The following PIP4K2A variants were observed in gnomAD, a reference collection of about 807,000 sequenced individuals.
The protein encoded by PIP4K2A is phosphatidylinositol-5-phosphate 4-kinase type 2 alpha.
A neutral mutation model predicts 42.9 loss-of-function variants in PIP4K2A; 14 were observed. That is an observed-to-expected ratio of 0.33 (90% CI 0.22 to 0.51). PIP4K2A has a LOEUF of 0.51. Ranked by LOEUF, PIP4K2A falls within the 20% of genes least tolerant of loss-of-function variation. The pLI is 0.97. For missense variants in PIP4K2A, 434 were observed against 519.8 expected (o/e 0.83, Z 1.61); for synonymous variants, 192 against 192.2 (o/e 1.00, Z 0.01).
chr10:22,683,954 T>C (rs1332826825), intron 1 of PIP4K2A, among the ~76,000 whole-genome samples: 4 of 152,054 alleles, frequency 2.6e-5, no homozygotes, highest in Non-Finnish European at 5.9e-5. Context: ...CCCGGAACGT[T>C]CCTGGCTACA....
At chr10:22,632,497 G>T (rs921413630) in intron 1 of PIP4K2A, among the ~76,000 whole-genome samples, 1 of 152,182 alleles carries the variant, frequency 6.6e-6, no homozygotes, top group African/African-American at 2.4e-5. Flanking sequence ...ACAAGTTGGT[G>T]TTAGCTGGAT....
At chr10:22,682,936 T>A (rs1352425267) in intron 1 of PIP4K2A, among the ~76,000 whole-genome samples, 1 of 152,198 alleles carries the variant, frequency 6.6e-6, no homozygotes, top group Non-Finnish European at 1.5e-5. Context: ...ACCTTGGGAA[T>A]GAACAATGTG....
chr10:22,695,371 A>T (rs1839948515), intron 1 of PIP4K2A, among the ~76,000 whole-genome samples: 1 of 152,182 alleles, frequency 6.6e-6, no homozygotes, highest in Admixed American at 6.5e-5. Flanking sequence ...TGCAATAAAA[A>T]CTTGGATACC....
intron 1 of PIP4K2A, among the ~76,000 whole-genome samples, chr10:22,667,385 C>T (rs1399577055): frequency 6.6e-6 from 1 of 152,082 alleles, no homozygotes; most frequent in Non-Finnish European, 1.5e-5. Context: ...TTTATGAATA[C>T]CAAATTAGAA....
chr10:22,540,856 G>C (rs202003163), intron 8 of PIP4K2A, among the ~76,000 whole-genome samples: 20 of 152,158 alleles, frequency 1.3e-4, no homozygotes, highest in Non-Finnish European at 2.8e-4. Context: ...CGCCCGGCCC[G>C]TGTCTGTTTT....
chr10:22,544,941 A>G (rs978788033), intron 7 of PIP4K2A, among the ~76,000 whole-genome samples: 2 of 151,438 alleles, frequency 1.3e-5, no homozygotes, highest in African/African-American at 2.4e-5. Flanking sequence ...GGCACCGCAC[A>G]CTCCTCCCCA....
At position 22,664,254 on chromosome 10, in the gene PIP4K2A, T is replaced by C. The variant is rs866417772; in HGVS notation, c.144+49929A>G. On this transcript the variant is annotated intron_variant, in intron 1 of 9. Transcript: ENST00000376573. ...ACACACACACACACACACACACATATATATATACACACACATACACACATA... is the reference window on the plus strand; with the variant it reads ...ACACACACACACACACACACACATACATATATACACACACATACACACATA... Among the ~76,000 whole-genome samples the C allele has an allele frequency of 4.5e-4, 60 of 133,612 alleles. 1 individual carries two copies. The highest frequency in any genetic ancestry group is 3.8e-3 in the Middle Eastern group (1 of 264). The allele number at this position is 133,612 out of a possible 152,430, so 87.7% of individuals were successfully genotyped here. A position where few individuals can be genotyped will look rare whatever the true frequency, so the allele number is the denominator to read the frequency against.
chr10:22,702,874 G>A (rs909444144), intron 1 of PIP4K2A, among the ~76,000 whole-genome samples: 1 of 152,100 alleles, frequency 6.6e-6, no homozygotes, highest in African/African-American at 2.4e-5. Context: ...TCTAGATGCA[G>A]GGATACACCT....
At chr10:22,562,090 G>A (rs1029294381) in intron 6 of PIP4K2A, among the ~76,000 whole-genome samples, 1 of 152,064 alleles carries the variant, frequency 6.6e-6, no homozygotes, top group Non-Finnish European at 1.5e-5. Context: ...CCCGATGTCT[G>A]ATCATAAAAA....
intron 1 of PIP4K2A, among the ~76,000 whole-genome samples, chr10:22,680,959 G>A (rs1839647753): frequency 6.6e-6 from 1 of 152,124 alleles, no homozygotes; most frequent in Non-Finnish European, 1.5e-5. Flanking sequence ...ACCTATTCAG[G>A]CGAGAAAATA....
At chr10:22,689,900 T>G (rs1839829081) in intron 1 of PIP4K2A, among the ~76,000 whole-genome samples, 1 of 152,194 alleles carries the variant, frequency 6.6e-6, no homozygotes, top group Admixed American at 6.5e-5. Context: ...CACAAAAGAC[T>G]GATGCACAAA....
At chr10:22,550,272 C>T (rs1481403682) in intron 7 of PIP4K2A, among the ~76,000 whole-genome samples, 1 of 152,212 alleles carries the variant, frequency 6.6e-6, no homozygotes, top group African/African-American at 2.4e-5. Context: ...GTAATAGTGA[C>T]TGAATATTTG....
At chr10:22,620,690 G>A (rs1838307666) in intron 1 of PIP4K2A, among the ~76,000 whole-genome samples, 2 of 152,344 alleles carry the variant, frequency 1.3e-5, no homozygotes, top group South Asian at 2.1e-4. Context: ...ATCTGGTGCT[G>A]AGTAGCTGTG....
chr10:22,647,528 G>A (rs1838909619), intron 1 of PIP4K2A, among the ~76,000 whole-genome samples: 1 of 52,246 alleles, frequency 1.9e-5, no homozygotes, highest in East Asian at 4.5e-4. Flanking sequence ...CCATCAGAGA[G>A]TCATGAGATC....
At chr10:22,631,281 T>G (rs1225345292) in intron 1 of PIP4K2A, among the ~76,000 whole-genome samples, 1 of 152,190 alleles carries the variant, frequency 6.6e-6, no homozygotes, top group African/African-American at 2.4e-5. Flanking sequence ...GAGTGTGACT[T>G]TGTTTGGAGA....
chr10:22,536,139 C>T lies in PIP4K2A; in HGVS notation c.*1062G>A, dbSNP rs185951018. 18 of 398,470 alleles carry T rather than the reference C, an allele frequency of 4.5e-5. No individual in the cohort carries two copies. Among genetic ancestry groups the T allele is most frequent in the African/African-American group, 1.4e-4 (7 of 48,730 alleles). 24.7% of individuals were successfully genotyped at this position (398,470 alleles called of 1,614,324 possible). ...GAGGGTTTCAGTTAAAGGGATAATT[C>T]GTAACAAAATCCCATTGTTGAAACA... On this transcript the variant is annotated 3_prime_UTR_variant, in exon 10 of 10. Transcript: ENST00000376573.
intron 5 of PIP4K2A, among the ~76,000 whole-genome samples, chr10:22,571,816 G>A (rs138209990): frequency 2.3e-4 from 35 of 152,192 alleles, no homozygotes; most frequent in East Asian, 1.7e-3. Context: ...ATACTTCAGC[G>A]GCATAACACC....
intron 7 of PIP4K2A, among the ~76,000 whole-genome samples, chr10:22,544,964 C>T (rs1165637287): frequency 6.6e-6 from 1 of 152,234 alleles, no homozygotes; most frequent in Non-Finnish European, 1.5e-5. Flanking sequence ...GACACGGGGC[C>T]TCGCTGCACA....
Position 22,549,225 on chromosome 10 carries a change from G to A in PIP4K2A, c.792+1434C>T, listed in dbSNP as rs142619051. Among the ~76,000 whole-genome samples, 740 of 152,164 alleles carry A rather than the reference G, an allele frequency of 4.9e-3. 7 individuals are homozygous for A. The highest frequency in any genetic ancestry group is 0.016 in the African/African-American group (649 of 41,504). Reference sequence around the variant, plus strand: ...TAAAAATATTAACTACTAATAACTTGGTCAGTGTGAGTTTCTTGTAATAAA... The same window carrying A: ...TAAAAATATTAACTACTAATAACTTAGTCAGTGTGAGTTTCTTGTAATAAA... On this transcript the variant is annotated intron_variant, in intron 7 of 9. Coordinates refer to ENST00000376573, the MANE Select transcript of PIP4K2A (RefSeq NM_005028.5).
Sources: gnomAD v4.1 joint callset for allele counts (sites outside exome capture counted in the v4.1 genomes callset) on GRCh38, gnomAD v4.1.1 for gene constraint, MANE v1.5 for transcripts, NCBI Gene and HGNC (gene_info 2026-07-23, HGNC 2026-07-21) for gene names.